EVA1C: variants seen among roughly 807,000 people sequenced by gnomAD.
EVA1C encodes the protein eva-1 homolog C.
In EVA1C, 25 loss-of-function variants were observed where a neutral mutation model predicts 45.4. The ratio of observed to expected loss-of-function variants is 0.55; its 90% confidence interval spans 0.40 to 0.77. The LOEUF is 0.77. Among genes scored for constraint, EVA1C ranks in the 30% least tolerant of loss-of-function variants. EVA1C has a pLI of 0.00. For missense variants in EVA1C, 479 were observed against 554.8 expected (o/e 0.86, Z 1.37); for synonymous variants, 190 against 221.2 (o/e 0.86, Z 1.25).
intron 3 of EVA1C, among the ~76,000 whole-genome samples, chr21:32,465,882 C>T (rs1431519432): frequency 2.0e-5 from 3 of 152,102 alleles, no homozygotes; most frequent in African/African-American, 7.2e-5. Context: ...TGTACAATCC[C>T]ATGATTTTCA....
chr21:32,507,609 C>T (rs769615328), intron 7 of EVA1C, among the ~76,000 whole-genome samples: 5 of 147,690 alleles, frequency 3.4e-5, no homozygotes, highest in Non-Finnish European at 6.0e-5. Context: ...TCTATGTGTA[C>T]ATGTGTGTAC....
intron 1 of EVA1C, among the ~76,000 whole-genome samples, chr21:32,449,538 G>A (rs1230551280): frequency 6.6e-6 from 1 of 151,978 alleles, no homozygotes; most frequent in Admixed American, 6.6e-5. Context: ...TCTTTTTGTG[G>A]TTTGATAGCT....
At chr21:32,476,733 T>C (rs541419652) in intron 4 of EVA1C, among the ~76,000 whole-genome samples, 1 of 152,188 alleles carries the variant, frequency 6.6e-6, no homozygotes, top group Admixed American at 6.5e-5. Context: ...TGTGACTCCA[T>C]CCTGCCCCAT....
chr21:32,412,865 G>C lies in EVA1C; in HGVS notation c.12G>C (p.Pro4=), dbSNP rs769523174. The C allele has an allele frequency of 4.4e-5, 65 of 1,492,394 alleles. No homozygotes were observed. The highest frequency in any genetic ancestry group is 5.3e-5 in the Non-Finnish European group (60 of 1,127,040). The allele number at this position is 1,492,394 out of a possible 1,614,324, so 92.4% of individuals were successfully genotyped here. MLL[P]GRARQPPTPQ... The stretch of plus-strand genomic sequence containing the variant: ...CCGCGCAGCGCACGATGCTTCTGCC[G>C]GGACGCGCACGCCAACCGCCGACGC... Residue 4 remains proline, a synonymous_variant, in exon 1 of 8, where the codon CCG becomes CCC. Coordinates refer to ENST00000300255, the MANE Select transcript of EVA1C (RefSeq NM_058187.5).
At chr21:32,470,038 G>A (rs1420867894) in intron 4 of EVA1C, among the ~76,000 whole-genome samples, 1 of 152,168 alleles carries the variant, frequency 6.6e-6, no homozygotes, top group African/African-American at 2.4e-5. Context: ...TGTATTACCA[G>A]AGAGAACAGA....
intron 1 of EVA1C, among the ~76,000 whole-genome samples, chr21:32,419,949 C>T (rs1343266811): frequency 6.6e-6 from 1 of 152,110 alleles, no homozygotes; most frequent in Non-Finnish European, 1.5e-5. Flanking sequence ...GATTTTAGTA[C>T]TGGAAAAAGA....
intron 1 of EVA1C, among the ~76,000 whole-genome samples, chr21:32,419,436 C>T (rs987601314): frequency 2.0e-5 from 3 of 152,194 alleles, no homozygotes; most frequent in Non-Finnish European, 2.9e-5. Context: ...TACTGATGGC[C>T]GGGCACTGTG....
intron 4 of EVA1C, among the ~76,000 whole-genome samples, chr21:32,490,129 A>G (rs1409113084): frequency 6.6e-6 from 1 of 152,076 alleles, no homozygotes; most frequent in East Asian, 1.9e-4. Context: ...TTCTAAGTGT[A>G]CAGTTTGGTC....
At chr21:32,483,929 C>A (rs1020470930) in intron 4 of EVA1C, among the ~76,000 whole-genome samples, 6 of 151,164 alleles carry the variant, frequency 4.0e-5, no homozygotes, top group Non-Finnish European at 8.8e-5. Flanking sequence ...ATATTCAAAT[C>A]AAGTGCTTTT....
In EVA1C at chr21:32,488,648, CA is replaced by C. The variant is rs34594281; in HGVS notation, c.635-6377del. Among the ~76,000 whole-genome samples the C allele has an allele frequency of 8.3e-3, 1,247 of 151,000 alleles. 57 individuals carry two copies. The highest frequency in any genetic ancestry group is 0.073 in the Admixed American group (1,112 of 15,138). The stretch of plus-strand genomic sequence containing the variant: ...TTGCCCAGGCTGGAGTGCAGTGGTG[CA>C]ATCTCAGCTCACTGCAACCTCCGCC... On this transcript the variant is annotated intron_variant, in intron 4 of 7. Coordinates refer to ENST00000300255, the MANE Select transcript of EVA1C (RefSeq NM_058187.5).
chr21:32,479,661 G>A (rs1035058169), intron 4 of EVA1C, among the ~76,000 whole-genome samples: 5 of 152,018 alleles, frequency 3.3e-5, no homozygotes, highest in African/African-American at 1.2e-4. Context: ...ACTGAAAAGT[G>A]CAAAAGCAAC....
At chr21:32,467,614 A>G in intron 3 of EVA1C, 82 bp from the exon 4 acceptor site, 1 of 1,393,472 alleles carries the variant, frequency 7.2e-7, no homozygotes, top group Non-Finnish European at 9.6e-7. Flanking sequence ...CCCCGGGGAA[A>G]TGAGCAATGG....
chr21:32,470,517 C>T (rs1211616668), intron 4 of EVA1C, among the ~76,000 whole-genome samples: 5 of 152,220 alleles, frequency 3.3e-5, no homozygotes, highest in Non-Finnish European at 7.3e-5. Context: ...ATTAATGACA[C>T]TACCCACTGT....
intron 1 of EVA1C, among the ~76,000 whole-genome samples, chr21:32,432,989 C>A (rs1347865215): frequency 6.6e-6 from 1 of 152,266 alleles, no homozygotes; most frequent in Non-Finnish European, 1.5e-5. Flanking sequence ...GCCTCGGCAT[C>A]CCAAAGTGTT....
At chr21:32,471,789 C>A (rs57880350) in intron 4 of EVA1C, among the ~76,000 whole-genome samples, 21,843 of 151,812 alleles carry the variant, frequency 0.14, 1,826 homozygotes, top group East Asian at 0.25. Context: ...CCACCACGCC[C>A]CACTATTTTT....
intron 4 of EVA1C, 30 bp downstream of exon 4, chr21:32,467,878 G>A (rs1318006895): frequency 2.6e-6 from 4 of 1,540,744 alleles, no homozygotes; most frequent in Non-Finnish European, 3.5e-6. Flanking sequence ...TATTAGCCAG[G>A]GTTCTCTAGA....
intron 1 of EVA1C, among the ~76,000 whole-genome samples, chr21:32,448,091 C>G (rs931868778): frequency 6.6e-6 from 1 of 152,170 alleles, no homozygotes. Context: ...TTGATGGCCT[C>G]CATGTTGCTG....
chr21:32,471,216 C>A (rs1343568064), intron 4 of EVA1C, among the ~76,000 whole-genome samples: 1 of 152,088 alleles, frequency 6.6e-6, no homozygotes, highest in East Asian at 1.9e-4. Flanking sequence ...TAATTCTTAA[C>A]CTTTATAATA....
In EVA1C at chr21:32,453,378, A is replaced by G. The variant is rs771280489; in HGVS notation, c.227A>G (p.Gln76Arg). Reference protein sequence around the residue: ...YACDGDYLNLQCPRHSTISVQ... With the variant: ...YACDGDYLNLRCPRHSTISVQ... ...TGTGATGGGGACTATTTGAATCTAC[A>G]GTGCCCTCGGCATTCTACGATAAGT... Residue 76 changes from glutamine (Q) to arginine (R), a missense_variant, in exon 2 of 8, where the codon CAG becomes CGG. Gln to Arg is a conservative substitution (Grantham distance 43, BLOSUM62 1). This residue lies in a region of EVA1C where 33 missense variants were observed against 64.9 expected (regional missense o/e 0.51). Coordinates refer to ENST00000300255, the MANE Select transcript of EVA1C (RefSeq NM_058187.5). 10 of 1,611,524 alleles carry G rather than the reference A, an allele frequency of 6.2e-6. No individual in the cohort carries two copies. Among genetic ancestry groups the G allele is most frequent in the African/African-American group, 4.0e-5 (3 of 74,992 alleles).
Sources: gnomAD v4.1 joint callset for allele counts (sites outside exome capture counted in the v4.1 genomes callset) on GRCh38, gnomAD v4.1.1 for gene constraint, gnomAD v4.1.1 regional missense constraint, MANE v1.5 for transcripts, NCBI Gene and HGNC (gene_info 2026-07-23, HGNC 2026-07-21) for gene names.